Variants in DBF4 observed in about 807,000 individuals in gnomAD.
The protein encoded by DBF4 is protein DBF4 homolog A.
Under a neutral mutation model 76.6 loss-of-function variants are expected in DBF4, and 25 were observed. The ratio of observed to expected loss-of-function variants is 0.33; its 90% CI spans 0.24 to 0.46. The LOEUF (loss-of-function observed/expected upper bound fraction) is 0.46, where lower values mean the gene tolerates loss of function less well. Among genes scored for constraint, DBF4 ranks in the 20% least tolerant of loss-of-function variants. DBF4 has a pLI of 1.00. For synonymous variants in DBF4, 213 were observed against 258.0 expected (o/e 0.83, Z 1.67); for missense variants, 638 against 760.8 (o/e 0.84, Z 1.90).
intron 11 of DBF4, among the ~76,000 whole-genome samples, chr7:87,904,865 T>C (rs538359398): frequency 1.3e-5 from 2 of 152,378 alleles, no homozygotes; most frequent in East Asian, 1.9e-4. Context: ...CAGTAGCTTC[T>C]TCCCTACTAT....
At chr7:87,903,647 T>C (rs1839843434) in intron 10 of DBF4, among the ~76,000 whole-genome samples, 1 of 151,838 alleles carries the variant, frequency 6.6e-6, no homozygotes, top group African/African-American at 2.4e-5. Flanking sequence ...TAGAGGGAAA[T>C]GTGTTTTCCA....
chr7:87,899,073 ACAT>A (rs1253980034), intron 8 of DBF4, among the ~76,000 whole-genome samples: 22 of 152,328 alleles, frequency 1.4e-4, no homozygotes, highest in African/African-American at 5.1e-4. Flanking sequence ...CTCCTACCTC[ACAT>A]CATGTTCAAA....
chr7:87,878,954 A>G (rs780234622), intron 2 of DBF4, among the ~76,000 whole-genome samples: 5 of 151,960 alleles, frequency 3.3e-5, no homozygotes, highest in Admixed American at 6.6e-5. Context: ...TTTTATTTTT[A>G]TTTTGAGACG....
At chr7:87,896,695 T>TA (rs1327675576) in intron 7 of DBF4, among the ~76,000 whole-genome samples, 185 bp downstream of exon 7, 2 of 152,148 alleles carry the variant, frequency 1.3e-5, no homozygotes, top group African/African-American at 4.8e-5. Context: ...ATGTTTTTTT[T>TA]AAAACGTTTC....
chr7:87,888,775 T>C (rs984029237), intron 6 of DBF4, among the ~76,000 whole-genome samples: 2 of 152,226 alleles, frequency 1.3e-5, no homozygotes. Context: ...ATCATTTTGA[T>C]ACTTTTTAAA....
intron 4 of DBF4, 87 bp from the exon 5 acceptor site, chr7:87,887,242 T>G (rs1839379153): frequency 9.1e-7 from 1 of 1,100,710 alleles, no homozygotes; most frequent in Non-Finnish European, 1.3e-6. Flanking sequence ...CTTAGTGACA[T>G]TAAACTTCAA....
intron 2 of DBF4, among the ~76,000 whole-genome samples, chr7:87,879,604 T>C (rs1440599123): frequency 6.6e-6 from 1 of 152,204 alleles, no homozygotes; most frequent in Non-Finnish European, 1.5e-5. Context: ...TATTAGCTTC[T>C]TAATTCCCAC....
Position 87,904,356 on chromosome 7 carries a change from T to C in DBF4, c.989T>C (p.Ile330Thr), listed in dbSNP as rs760482020. 1.1e-5 allele frequency: 17 copies of C among 1,613,888 alleles called. No individual in the cohort carries two copies. Among genetic ancestry groups the C allele is most frequent in the Middle Eastern group, 1.7e-4 (1 of 6,056 alleles). Reference protein sequence around the residue: ...QSNQYQVVDDIVSKLVFDFVE... With the variant: ...QSNQYQVVDDTVSKLVFDFVE... ...AACCAGTATCAAGTTGTTGATGATA[T>C]TGTATCTAAGTTAGTTTTTGACTTT... is the stretch of plus-strand genomic sequence containing the variant. The change falls in exon 11 of 12, where the codon ATT becomes ACT. Residue 330 changes from isoleucine (I) to threonine (T), a missense_variant. By Grantham distance (89) the Ile-to-Thr change is moderately conservative (BLOSUM62 -1). Transcript: ENST00000265728.
chr7:87,894,563 T>G (rs1839582091), intron 6 of DBF4, among the ~76,000 whole-genome samples: 1 of 152,230 alleles, frequency 6.6e-6, no homozygotes, highest in African/African-American at 2.4e-5. Flanking sequence ...AATTACAGGT[T>G]TTCTTCGGAT....
At chr7:87,905,488 A>C (rs912682069) in intron 11 of DBF4, among the ~76,000 whole-genome samples, 2 of 152,196 alleles carry the variant, frequency 1.3e-5, no homozygotes, top group African/African-American at 2.4e-5. Context: ...AAACCTTATG[A>C]TGGGTATGTT....
At chr7:87,881,330 C>T (rs6951335) in intron 2 of DBF4, among the ~76,000 whole-genome samples, 2,357 of 152,284 alleles carry the variant, frequency 0.015, 63 homozygotes, top group African/African-American at 0.053. Context: ...ATCTCTTGAA[C>T]CTGGGGGTTG....
At chr7:87,895,296 T>C (rs1254105076) in intron 6 of DBF4, among the ~76,000 whole-genome samples, 3 of 152,228 alleles carry the variant, frequency 2.0e-5, no homozygotes, top group African/African-American at 7.2e-5. Context: ...CCTTTACTTT[T>C]AAAGTCTTTT....
chr7:87,895,665 T>C (rs1015349940), intron 6 of DBF4, among the ~76,000 whole-genome samples: 6 of 152,222 alleles, frequency 3.9e-5, no homozygotes, highest in South Asian at 2.1e-4. Flanking sequence ...TGGATTTATA[T>C]AGGGAATTAG....
rs1397440628 is a variant in DBF4, at chr7:87,908,032, T to C, written c.1894T>C (p.Leu632=). The C allele has an allele frequency of 1.3e-5, 21 of 1,613,830 alleles. No homozygotes were observed. Among genetic ancestry groups the C allele is most frequent in the Non-Finnish European group, 1.8e-5 (21 of 1,179,796 alleles). Reference sequence around the variant, plus strand: ...GACTAGTGAAGAGAAATCAGAATTTTTGGGTTTCACAAGCTACACAGAAAA... The same window carrying C: ...GACTAGTGAAGAGAAATCAGAATTTCTGGGTTTCACAAGCTACACAGAAAA... ...FQTSEEKSEF[L]GFTSYTEKSG... is the part of the protein sequence containing the mutation. Residue 632 remains leucine, a synonymous_variant, in exon 12 of 12, where the codon TTG becomes CTG. Transcript: ENST00000265728.
chr7:87,879,967 A>G (rs1584350828), intron 2 of DBF4, among the ~76,000 whole-genome samples: 2 of 151,462 alleles, frequency 1.3e-5, no homozygotes, highest in South Asian at 2.1e-4. Flanking sequence ...AAAAAAAAAA[A>G]GGTAGCTCAA....
intron 6 of DBF4, among the ~76,000 whole-genome samples, chr7:87,893,884 TC>T (rs1839559274): frequency 6.6e-6 from 1 of 151,854 alleles, no homozygotes; most frequent in African/African-American, 2.4e-5. Flanking sequence ...TATTTCTGTT[TC>T]CCCCTTTCCT....
chr7:87,900,104 C>T, intron 8 of DBF4, 117 bp from the exon 9 acceptor site: 1 of 873,154 alleles, frequency 1.1e-6, no homozygotes, highest in South Asian at 1.8e-5. Flanking sequence ...GAAGGAAAGC[C>T]TAAATAATTT....
intron 10 of DBF4, among the ~76,000 whole-genome samples, chr7:87,902,445 C>T (rs1305066985): frequency 6.6e-6 from 1 of 152,016 alleles, no homozygotes; most frequent in East Asian, 1.9e-4. Flanking sequence ...CCCTTATGCA[C>T]CTTATGGTCT....
Position 87,886,835 on chromosome 7 carries a change from T to C in DBF4, c.400-9T>C. 3.9e-6 allele frequency: 6 copies of C among 1,536,484 alleles called. No individual in the cohort carries two copies. The highest frequency in any genetic ancestry group is 5.4e-6 in the Non-Finnish European group (6 of 1,118,770). ...CACTATGTTTTAAATTTTTCTGGTC[T>C]TTTTATAGGTGTGTTTAAGCAGAGG... On this transcript the variant is annotated splice_polypyrimidine_tract_variant and intron_variant, in intron 3 of 11. Transcript: ENST00000265728.
Sources: gnomAD v4.1 joint callset for allele counts (sites outside exome capture counted in the v4.1 genomes callset) on GRCh38, gnomAD v4.1.1 for gene constraint, MANE v1.5 for transcripts, NCBI Gene and HGNC (gene_info 2026-07-23, HGNC 2026-07-21) for gene names.